The following RBFOX1 variants were observed in gnomAD, a reference collection of about 807,000 sequenced individuals.
RBFOX1 encodes RNA binding protein fox-1 homolog 1.
In RBFOX1, 8 loss-of-function variants were observed where a neutral mutation model predicts 57.7. That is an observed-to-expected ratio of 0.14 (90% CI 0.08 to 0.25). The LOEUF (loss-of-function observed/expected upper bound fraction) is 0.25, where lower values mean the gene tolerates loss of function less well. RBFOX1 is among the 10% of genes least tolerant of loss of function. RBFOX1 has a pLI of 1.00. For missense variants in RBFOX1, 611 were observed against 548.5 expected, an observed-to-expected ratio of 1.11 and a Z score of -1.14; for synonymous variants, 326 against 222.4, an observed-to-expected ratio of 1.47 and a Z score of -4.15.
intron 4 of RBFOX1, among the ~76,000 whole-genome samples, chr16:5,963,080 G>C (rs748112506): frequency 6.6e-6 from 1 of 152,128 alleles, no homozygotes. Context: ...GTTAATATTT[G>C]AAAATGTATT....
intron 4 of RBFOX1, among the ~76,000 whole-genome samples, chr16:7,105,698 A>C (rs9673634): frequency 1.3e-5 from 2 of 152,110 alleles, no homozygotes; most frequent in African/African-American, 4.8e-5. Flanking sequence ...ATCTCTCTAT[A>C]TATATCTATC....
In RBFOX1 at chr16:6,130,023, C is replaced by T. The variant is rs538947745; in HGVS notation, c.-127+110031C>T. Among the ~76,000 whole-genome samples the T allele has an allele frequency of 5.3e-4, 81 of 152,092 alleles. 1 individual carries two copies. The highest frequency in any genetic ancestry group is 1.8e-3 in the African/African-American group (74 of 41,516). On this transcript the variant is annotated intron_variant, in intron 1 of 15. Transcript: ENST00000550418. The stretch of plus-strand genomic sequence containing the variant: ...GAATGTGTCAGCAGCACAAGAAATG[C>T]AAGGGACATGATCAAATATGAAAGG...
chr16:5,553,561 C>T (rs943924810), intron 2 of RBFOX1, among the ~76,000 whole-genome samples: 9 of 151,880 alleles, frequency 5.9e-5, no homozygotes, highest in South Asian at 2.1e-4. Flanking sequence ...GTGATCTGCC[C>T]GTCTCAGCCT....
At chr16:5,398,276 GGTGTGTGTGCATGTGTGCTTAT>G (rs374078709) in intron 1 of RBFOX1, among the ~76,000 whole-genome samples, 11 of 151,592 alleles carry the variant, frequency 7.3e-5, no homozygotes, top group African/African-American at 2.2e-4. Context: ...TGCACGTGCT[GGTGTGTGTGCATGTGTGCTTAT>G]GTGTGTGTGC....
At chr16:6,593,518 A>T (rs184062531) in intron 2 of RBFOX1, among the ~76,000 whole-genome samples, 3 of 152,254 alleles carry the variant, frequency 2.0e-5, no homozygotes, top group African/African-American at 7.2e-5. Context: ...CAGGCTGACA[A>T]TGGGATCCAT....
intron 3 of RBFOX1, among the ~76,000 whole-genome samples, chr16:5,788,222 T>A (rs1268982511): frequency 6.6e-6 from 1 of 152,190 alleles, no homozygotes; most frequent in African/African-American, 2.4e-5. Flanking sequence ...TTACCCTGGA[T>A]GGAGAGAAGA....
intron 14 of RBFOX1, among the ~76,000 whole-genome samples, chr16:7,687,562 T>C (rs980824388): frequency 6.6e-6 from 1 of 151,992 alleles, no homozygotes; most frequent in Non-Finnish European, 1.5e-5. Flanking sequence ...GCATATTATG[T>C]TTAATATTCA....
At chr16:6,109,453 G>A (rs2096418894) in intron 1 of RBFOX1, among the ~76,000 whole-genome samples, 1 of 152,116 alleles carries the variant, frequency 6.6e-6, no homozygotes, top group African/African-American at 2.4e-5. Flanking sequence ...CCCAGGAATT[G>A]TGGAGATAAA....
intron 1 of RBFOX1, among the ~76,000 whole-genome samples, chr16:6,066,907 C>G (rs1008665637): frequency 4.6e-5 from 7 of 152,020 alleles, no homozygotes; most frequent in African/African-American, 1.7e-4. Flanking sequence ...TGACCGTTGA[C>G]TCACCATTAT....
intron 4 of RBFOX1, among the ~76,000 whole-genome samples, chr16:7,461,765 C>G (rs1459887735): frequency 6.6e-6 from 1 of 152,096 alleles, no homozygotes; most frequent in African/African-American, 2.4e-5. Flanking sequence ...TCCCAGCCCT[C>G]GGAGGTAGTG....
At chr16:5,682,090 A>T (rs1596732267) in intron 3 of RBFOX1, among the ~76,000 whole-genome samples, 1 of 152,350 alleles carries the variant, frequency 6.6e-6, no homozygotes, top group Admixed American at 6.5e-5. Context: ...GTAGGACAGC[A>T]TTACAGTTGG....
chr16:6,002,288 C>T (rs907099683), intron 4 of RBFOX1, among the ~76,000 whole-genome samples: 4 of 152,198 alleles, frequency 2.6e-5, no homozygotes, highest in African/African-American at 4.8e-5. Context: ...CCATTTTCAA[C>T]TTACGATTGT....
At chr16:7,168,410 C>T (rs190889437) in intron 4 of RBFOX1, among the ~76,000 whole-genome samples, 1 of 151,818 alleles carries the variant, frequency 6.6e-6, no homozygotes, top group Non-Finnish European at 1.5e-5. Context: ...ACCTCAACAG[C>T]CACATTGTCC....
chr16:7,267,875 C>T (rs912245832), intron 4 of RBFOX1, among the ~76,000 whole-genome samples: 7 of 152,110 alleles, frequency 4.6e-5, no homozygotes, highest in Non-Finnish European at 7.3e-5. Context: ...TTAATTAAAC[C>T]TTCAATGAGG....
At chr16:6,906,699 G>C (rs1255698702) in intron 3 of RBFOX1, among the ~76,000 whole-genome samples, 1 of 151,140 alleles carries the variant, frequency 6.6e-6, no homozygotes. Context: ...AGCAGACTGG[G>C]TGCTCCATAA....
At chr16:7,663,815 A>C (rs369238442) in intron 12 of RBFOX1, among the ~76,000 whole-genome samples, 1 of 152,222 alleles carries the variant, frequency 6.6e-6, no homozygotes, top group Non-Finnish European at 1.5e-5. Context: ...AAAACCTGTG[A>C]AGGCTACATA....
At chr16:7,171,176 G>C (rs753552873) in intron 4 of RBFOX1, among the ~76,000 whole-genome samples, 3 of 152,150 alleles carry the variant, frequency 2.0e-5, no homozygotes, top group Non-Finnish European at 4.4e-5. Flanking sequence ...AATTGGCGAG[G>C]AGCTGCACAA....
chr16:7,074,309 A>C (rs2057911776), intron 4 of RBFOX1, among the ~76,000 whole-genome samples: 1 of 152,236 alleles, frequency 6.6e-6, no homozygotes, highest in Non-Finnish European at 1.5e-5. Context: ...TGAAAACCAT[A>C]AGCAAGAACC....
chr16:7,242,058 A>C (rs946089663), intron 4 of RBFOX1, among the ~76,000 whole-genome samples: 1 of 152,136 alleles, frequency 6.6e-6, no homozygotes, highest in African/African-American at 2.4e-5. Flanking sequence ...TACCATAGGC[A>C]CCTCAGTGAT....
Sources: gnomAD v4.1 joint callset for allele counts (sites outside exome capture counted in the v4.1 genomes callset) on GRCh38, gnomAD v4.1.1 for gene constraint, MANE v1.5 for transcripts, NCBI Gene and HGNC (gene_info 2026-07-23, HGNC 2026-07-21) for gene names.